SORBS2: variants seen among roughly 807,000 people sequenced by gnomAD.
The protein encoded by SORBS2 is sorbin and SH3 domain-containing protein 2.
A neutral mutation model predicts 97.7 loss-of-function variants in SORBS2; 46 were observed. That is an observed-to-expected ratio of 0.47 (90% CI 0.37 to 0.60). SORBS2 has a LOEUF of 0.60. SORBS2 is among the 20% of genes least tolerant of loss of function. SORBS2 has a pLI of 0.00. For missense variants in SORBS2, 1,316 were observed against 1,282.3 expected (o/e 1.03, Z -0.40); for synonymous variants, 476 against 473.4 (o/e 1.01, Z -0.07).
intron 1 of SORBS2, among the ~76,000 whole-genome samples, chr4:185,896,687 G>A (rs2099245195): frequency 6.6e-6 from 1 of 152,114 alleles, no homozygotes; most frequent in African/African-American, 2.4e-5. Context: ...CAGAACTACT[G>A]TGTAGTGTAA....
At chr4:185,875,154 A>G (rs2099232794) in intron 1 of SORBS2, among the ~76,000 whole-genome samples, 1 of 152,174 alleles carries the variant, frequency 6.6e-6, no homozygotes, top group Admixed American at 6.5e-5. Context: ...AGAACAAATA[A>G]ATAAAATAGT....
intron 1 of SORBS2, among the ~76,000 whole-genome samples, chr4:185,866,247 C>A (rs1034739280): frequency 6.6e-6 from 1 of 152,182 alleles, no homozygotes; most frequent in Non-Finnish European, 1.5e-5. Context: ...GTGTTCCCAG[C>A]CTCTCAGCAA....
At chr4:185,865,962 T>C (rs1291202435) in intron 1 of SORBS2, among the ~76,000 whole-genome samples, 1 of 152,240 alleles carries the variant, frequency 6.6e-6, no homozygotes, top group Non-Finnish European at 1.5e-5. Context: ...TGGCATGATG[T>C]AACTAGGCTT....
chr4:185,887,549 G>C (rs1339641400), intron 1 of SORBS2, among the ~76,000 whole-genome samples: 1 of 152,170 alleles, frequency 6.6e-6, no homozygotes, highest in East Asian at 1.9e-4. Context: ...ATAGACTGCA[G>C]ATTTTGTGGT....
chr4:185,790,577 C>A (rs62335686), intron 1 of SORBS2, among the ~76,000 whole-genome samples: 35,888 of 152,078 alleles, frequency 0.24, 4,396 homozygotes, highest in Middle Eastern at 0.28. Context: ...ATTAAAAGAG[C>A]CAAGAAATCT....
intron 1 of SORBS2, among the ~76,000 whole-genome samples, chr4:185,854,838 G>C (rs1278423743): frequency 6.6e-6 from 1 of 151,812 alleles, no homozygotes; most frequent in East Asian, 1.9e-4. Context: ...TTTACTGAGA[G>C]AGAACGTGCT....
intron 4 of SORBS2, among the ~76,000 whole-genome samples, chr4:185,665,389 AT>A (rs1317714256): frequency 4.6e-5 from 7 of 152,224 alleles, no homozygotes; most frequent in Non-Finnish European, 1.0e-4. Flanking sequence ...CTGGGTTAAA[AT>A]TTTTTGAAAA....
intron 4 of SORBS2, among the ~76,000 whole-genome samples, chr4:185,641,146 G>T (rs2097119511): frequency 6.6e-6 from 1 of 151,720 alleles, no homozygotes; most frequent in South Asian, 2.1e-4. Flanking sequence ...ATAGAATATG[G>T]AAAAGGAAGC....
intron 2 of SORBS2, among the ~76,000 whole-genome samples, 158 bp downstream of exon 4, chr4:185,690,404 A>G (rs1335240517): frequency 6.6e-6 from 1 of 152,204 alleles, no homozygotes; most frequent in Non-Finnish European, 1.5e-5. Context: ...AGAGTGGGGC[A>G]CAAATACAAA....
intron 2 of SORBS2, among the ~76,000 whole-genome samples, chr4:185,758,373 A>G (rs1584278435): frequency 6.6e-6 from 1 of 152,016 alleles, no homozygotes. Flanking sequence ...CTGTCAGCAC[A>G]CTGTGCCCGC....
intron 1 of SORBS2, among the ~76,000 whole-genome samples, chr4:185,830,961 G>A (rs2099204767): frequency 6.6e-6 from 1 of 152,078 alleles, no homozygotes; most frequent in African/African-American, 2.4e-5. Flanking sequence ...GCTGTGACTT[G>A]GTTCTTTTTT....
chr4:185,646,244 AG>A (rs1304861376), intron 4 of SORBS2: 2 of 153,110 alleles, frequency 1.3e-5, no homozygotes, highest in East Asian at 3.8e-4. Context: ...CTCATTAGCA[AG>A]CTATGATAGC....
chr4:185,803,481 C>T (rs964696987), intron 1 of SORBS2, among the ~76,000 whole-genome samples: 4 of 152,240 alleles, frequency 2.6e-5, no homozygotes, highest in Non-Finnish European at 5.9e-5. Flanking sequence ...ACTGACAGGA[C>T]ATTTGGGACT....
At chr4:185,805,431 A>T (rs1163558557) in intron 1 of SORBS2, among the ~76,000 whole-genome samples, 1 of 152,206 alleles carries the variant, frequency 6.6e-6, no homozygotes, top group Non-Finnish European at 1.5e-5. Flanking sequence ...TCATTCATTC[A>T]GCAAATACTG....
Position 185,862,892 on chromosome 4 carries a change from G to A in SORBS2, c.-337-87526C>T, listed in dbSNP as rs117505236. ...GCCTGAACATAATTACAGTTGGGCA[G>A]CTGGTACAATTTGTTAGTACCCATC... On this transcript the variant is annotated intron_variant, in intron 1 of 20. Coordinates refer to the SORBS2 transcript ENST00000284776. Among the ~76,000 whole-genome samples, 23 of 152,244 alleles carry A rather than the reference G, an allele frequency of 1.5e-4. No individual in the cohort carries two copies. In the East Asian group the frequency reaches 3.5e-3, roughly 23 times the overall value.
chr4:185,885,813 C>T (rs2099239102), intron 1 of SORBS2, among the ~76,000 whole-genome samples: 1 of 152,222 alleles, frequency 6.6e-6, no homozygotes, highest in African/African-American at 2.4e-5. Flanking sequence ...CTCCACTTCC[C>T]ATGACACTCT....
chr4:185,925,583 A>G (rs367665655), intron 1 of SORBS2, among the ~76,000 whole-genome samples: 184 of 152,314 alleles, frequency 1.2e-3, no homozygotes, highest in African/African-American at 4.3e-3. Flanking sequence ...GTTCATGTCT[A>G]TTTAAAAAGA....
chr4:185,892,772 G>A (rs565211859), intron 1 of SORBS2, among the ~76,000 whole-genome samples: 9 of 152,178 alleles, frequency 5.9e-5, no homozygotes, highest in Non-Finnish European at 1.3e-4. Flanking sequence ...GCTAGGGTGA[G>A]GTGGCCAGTT....
At chr4:185,794,060 G>A (rs1184861965) in intron 1 of SORBS2, among the ~76,000 whole-genome samples, 3 of 151,766 alleles carry the variant, frequency 2.0e-5, no homozygotes, top group Admixed American at 1.3e-4. Flanking sequence ...AAAAGCATTT[G>A]TTTTACTTTC....
Sources: gnomAD v4.1 joint callset for allele counts (sites outside exome capture counted in the v4.1 genomes callset) on GRCh38, gnomAD v4.1.1 for gene constraint, MANE v1.5 for transcripts, NCBI Gene and HGNC (gene_info 2026-07-23, HGNC 2026-07-21) for gene names.